ANKFY1: variants seen among roughly 807,000 people sequenced by gnomAD.
The protein encoded by ANKFY1 is ankyrin repeat and FYVE domain containing 1.
Under a neutral mutation model 128.3 loss-of-function variants are expected in ANKFY1, and 47 were observed. That is an observed-to-expected ratio of 0.37 (90% CI 0.29 to 0.47). The LOEUF (loss-of-function observed/expected upper bound fraction) is 0.47. ANKFY1 is among the 20% of genes least tolerant of loss of function. The pLI, the probability that ANKFY1 is intolerant of heterozygous loss-of-function variation, is 1.00. For missense variants in ANKFY1, 1,222 were observed against 1,510.6 expected (o/e 0.81, Z 3.17); for synonymous variants, 553 against 601.6 (o/e 0.92, Z 1.18).
At position 4,217,769 on chromosome 17, in the gene ANKFY1, C is replaced by T. The variant is rs1330793260; in HGVS notation, c.323-651G>A. Among the ~76,000 whole-genome samples, 4 of 152,078 alleles carry T rather than the reference C, an allele frequency of 2.6e-5. No homozygotes were observed. In the East Asian group the frequency reaches 5.8e-4, roughly 22 times the overall value. ...GCACAATCATGCCTCACTGAAGCCTCGAACTCCCTGGGCTCAAGTGGTCCT... is the reference window on the plus strand; with the variant it reads ...GCACAATCATGCCTCACTGAAGCCTTGAACTCCCTGGGCTCAAGTGGTCCT... On this transcript the variant is annotated intron_variant, in intron 3 of 24. Coordinates refer to ENST00000341657, the MANE Select transcript of ANKFY1 (RefSeq NM_001330063.2).
At chr17:4,217,331 G>A (rs1393272066) in intron 3 of ANKFY1, among the ~76,000 whole-genome samples, 6 of 152,142 alleles carry the variant, frequency 3.9e-5, no homozygotes, top group Non-Finnish European at 2.9e-5. Context: ...GGCAGATCAC[G>A]AAGTCAGGAG....
At chr17:4,260,089 C>T (rs1968328303) in intron 1 of ANKFY1, among the ~76,000 whole-genome samples, 1 of 152,014 alleles carries the variant, frequency 6.6e-6, no homozygotes, top group Admixed American at 6.6e-5. Context: ...TAAGTGGGGC[C>T]CACACCCTGT....
At chr17:4,221,484 T>A (rs1168775473) in intron 3 of ANKFY1, among the ~76,000 whole-genome samples, 1 of 152,226 alleles carries the variant, frequency 6.6e-6, no homozygotes, top group African/African-American at 2.4e-5. Flanking sequence ...AGTGCTGGTA[T>A]TACAGGCATA....
In ANKFY1 at chr17:4,209,925, G is replaced by A. The variant is rs980415304; in HGVS notation, c.481C>T (p.Leu161=). 6 of 1,613,594 alleles carry A rather than the reference G, an allele frequency of 3.7e-6. No homozygotes were observed. Among genetic ancestry groups the A allele is most frequent in the Non-Finnish European group, 4.2e-6 (5 of 1,179,682 alleles). ...RERCEKGVMS[L]VNVRNCIRFY... ...CGAATACAGTTCCTGACATTCACTA[G>A]AGACATAACACCCTTCTCACATCTG... is the stretch of plus-strand genomic sequence containing the variant. The change falls in exon 5 of 25, where the codon CTA becomes TTA. Residue 161 remains leucine, a synonymous_variant. Transcript: ENST00000341657.
chr17:4,255,371 T>C (rs1968063399), intron 1 of ANKFY1, among the ~76,000 whole-genome samples: 1 of 150,786 alleles, frequency 6.6e-6, no homozygotes, highest in African/African-American at 2.4e-5. Context: ...CTCAGCCTCC[T>C]GAAGCAGCTG....
chr17:4,211,350 C>T (rs186821353), intron 4 of ANKFY1, among the ~76,000 whole-genome samples: 3 of 149,402 alleles, frequency 2.0e-5, no homozygotes, highest in Admixed American at 1.3e-4. Flanking sequence ...TGAGCTGAGA[C>T]GGTGCCACTG....
At chr17:4,232,189 T>A (rs1451770053) in intron 3 of ANKFY1, among the ~76,000 whole-genome samples, 1 of 152,198 alleles carries the variant, frequency 6.6e-6, no homozygotes, top group African/African-American at 2.4e-5. Flanking sequence ...TGGAAAACAT[T>A]TGAGCCTTTA....
At chr17:4,244,466 A>C (rs940093431) in intron 1 of ANKFY1, among the ~76,000 whole-genome samples, 1 of 152,096 alleles carries the variant, frequency 6.6e-6, no homozygotes, top group East Asian at 1.9e-4. Context: ...GCAACCATGC[A>C]AACTGGCAGC....
rs542930038 is a variant in ANKFY1, at chr17:4,208,170, C to T, written c.583-88G>A. The T allele has an allele frequency of 3.7e-6, 5 of 1,344,600 alleles. No homozygotes were observed. In the African/African-American group the frequency reaches 5.9e-5, roughly 16 times the overall value. 83.3% of individuals were successfully genotyped at this position (1,344,600 alleles called of 1,614,324 possible). On this transcript the variant is annotated intron_variant, in intron 5 of 24. Transcript: ENST00000341657. ...TAGCAAGCCTCTCAAATGCATCAGT[C>T]AGGCCCTTCTTTAAGGGCTTAACCT...
At chr17:4,170,205 G>A (rs757446906) in intron 23 of ANKFY1, among the ~76,000 whole-genome samples, 1 of 152,228 alleles carries the variant, frequency 6.6e-6, no homozygotes, top group Non-Finnish European at 1.5e-5. Context: ...TCCCCACTGT[G>A]GGTGATGACA....
chr17:4,189,446 C>T lies in ANKFY1; in HGVS notation c.1406G>A (p.Gly469Glu), dbSNP rs773141373. Residue 469 changes from glycine (G) to glutamate (E), a missense_variant, in exon 11 of 25, where the codon GGA becomes GAA. By Grantham distance (98) the Gly-to-Glu change is moderately conservative. Transcript: ENST00000341657. ...NCLLQRAAGA[G>E]NEAAALFLAT... Reference sequence around the variant, plus strand: ...CAGGAAAAGAGCTGCTGCCTCGTTTCCTGCTCCAGCTGCCCGCTGTAGTAA... The same window carrying T: ...CAGGAAAAGAGCTGCTGCCTCGTTTTCTGCTCCAGCTGCCCGCTGTAGTAA... 2 of 1,590,410 alleles carry T rather than the reference C, an allele frequency of 1.3e-6. No homozygotes were observed. The highest frequency in any genetic ancestry group is 1.7e-5 in the Admixed American group (1 of 58,050).
intron 4 of ANKFY1, among the ~76,000 whole-genome samples, chr17:4,210,529 A>G (rs993585523): frequency 6.6e-6 from 1 of 151,686 alleles, no homozygotes; most frequent in African/African-American, 2.4e-5. Flanking sequence ...ACCAACATGG[A>G]GGAACCCCAT....
At chr17:4,204,780 C>CCCTA (rs1386854567) in intron 7 of ANKFY1, among the ~76,000 whole-genome samples, 3 of 151,940 alleles carry the variant, frequency 2.0e-5, no homozygotes, top group Non-Finnish European at 1.5e-5. Flanking sequence ...AAGAATCATT[C>CCCTA]CCTACGTGGT....
Position 4,173,796 on chromosome 17 carries a change from T to C in ANKFY1, c.2923+113A>G, listed in dbSNP as rs2059365539. ...ACCCAGAGCACTTCCTGTCACAGCT[T>C]TGCTCCTGTAAAAGCCAACCTCCCC... On this transcript the variant is annotated intron_variant, in intron 20 of 24. Coordinates refer to ENST00000341657, the MANE Select transcript of ANKFY1 (RefSeq NM_001330063.2). 3.6e-6 allele frequency: 5 copies of C among 1,388,462 alleles called. No individual in the cohort carries two copies. The East Asian group carries it at 6.9e-5, about 19-fold the overall frequency. 86.0% of individuals were successfully genotyped at this position (1,388,462 alleles called of 1,614,324 possible). A position where few individuals can be genotyped will look rare whatever the true frequency, so the allele number is the denominator to read the frequency against.
rs143779533 is a variant in ANKFY1 at position 4,202,685 on chromosome 17, A to AAAC, written c.898+3633_898+3635dup. Reference sequence around the variant, plus strand: ...GCACTTCAGCCTGGGCGACAGAGCGAAACTCCGTCTCAAAAAAAAAAAAAA... The same window carrying AAAC: ...GCACTTCAGCCTGGGCGACAGAGCGAAACAACTCCGTCTCAAAAAAAAAAAAAA... On this transcript the variant is annotated intron_variant, in intron 7 of 24. Transcript: ENST00000341657. Among the ~76,000 whole-genome samples, 507 of 123,448 alleles carry AAAC rather than the reference A, an allele frequency of 4.1e-3. 4 individuals are homozygous for AAAC. The highest frequency in any genetic ancestry group is 0.014 in the African/African-American group (490 of 34,134). 81.0% of individuals were successfully genotyped at this position (123,448 alleles called of 152,430 possible). A position where few individuals can be genotyped will look rare whatever the true frequency, so the allele number is the denominator to read the frequency against.
At chr17:4,192,585 T>TC (rs1419539837) in intron 10 of ANKFY1, among the ~76,000 whole-genome samples, 1 of 150,888 alleles carries the variant, frequency 6.6e-6, no homozygotes, top group African/African-American at 2.4e-5. Flanking sequence ...ATCTGGAGAC[T>TC]CCTAGTTGAT....
intron 3 of ANKFY1, among the ~76,000 whole-genome samples, chr17:4,221,588 T>C (rs938944212): frequency 6.6e-6 from 1 of 152,188 alleles, no homozygotes; most frequent in African/African-American, 2.4e-5. Flanking sequence ...ATTATGACTC[T>C]GGTTTAATTA....
chr17:4,248,077 G>A (rs1284227070), intron 1 of ANKFY1, among the ~76,000 whole-genome samples: 1 of 152,156 alleles, frequency 6.6e-6, no homozygotes, highest in African/African-American at 2.4e-5. Flanking sequence ...GTGACCTTGG[G>A]CAAGTTACTT....
At chr17:4,223,900 C>A in intron 3 of ANKFY1, 1 of 653,832 alleles carries the variant, frequency 1.5e-6, no homozygotes, top group Non-Finnish European at 2.6e-6. Flanking sequence ...TAACACCACG[C>A]CAACAGAAGC....
Sources: allele counts gnomAD v4.1 joint callset (sites outside exome capture counted in the v4.1 genomes callset), GRCh38; gene constraint gnomAD v4.1.1; transcripts MANE v1.5; gene names NCBI Gene and HGNC (gene_info 2026-07-23, HGNC 2026-07-21).